Variants in MCM7 observed in about 807,000 individuals in gnomAD.
MCM7 encodes DNA replication licensing factor MCM7.
A neutral mutation model predicts 83.5 loss-of-function variants in MCM7; 95 were observed. That is an observed-to-expected ratio of 1.14 (90% CI 0.96 to 1.35). The LOEUF (loss-of-function observed/expected upper bound fraction) is 1.35. Among genes scored for constraint, MCM7 ranks in the 40% most tolerant of loss-of-function variants. The pLI, the probability that MCM7 is intolerant of heterozygous loss-of-function variation, is 0.00. For synonymous variants in MCM7, 461 were observed against 352.7 expected (o/e 1.31, Z -3.44); for missense variants, 1,087 against 957.4 (o/e 1.14, Z -1.79).
chr7:100,099,071 C>T lies in MCM7; in HGVS notation c.534G>A (p.Val178=), dbSNP rs777006657. 4 of 1,614,062 alleles carry T rather than the reference C, an allele frequency of 2.5e-6. No homozygotes were observed. The Admixed American group carries it at 5.0e-5, about 20-fold the overall frequency. ...ACTGGTCACAAGTGTAAGTGGCCAC[C>T]ACCATCTTGGGTTTGACTTCAGAGA... The part of the protein sequence containing the change: ...TRVSEVKPKM[V]VATYTCDQCG... The change falls in exon 5 of 15, where the codon GTG becomes GTA. Residue 178 remains valine (V), a synonymous_variant. Transcript: ENST00000303887.
chr7:100,092,951 G>A lies in MCM7; in HGVS notation c.2141C>T (p.Thr714Ile), dbSNP rs201314873. Reference protein sequence around the residue: ...LNVWQVNASRTRITFV With the variant: ...LNVWQVNASRIRITFV Reference sequence around the variant, plus strand: ...CTGGAATCAGACAAAAGTGATCCGTGTCCGGGAAGCATTGACCTGCCAGAC... The same window carrying A: ...CTGGAATCAGACAAAAGTGATCCGTATCCGGGAAGCATTGACCTGCCAGAC... The change falls in exon 15 of 15, where the codon ACA (threonine) becomes ATA (isoleucine). Residue 714 changes from threonine to isoleucine, a missense_variant. Coordinates refer to ENST00000303887, the MANE Select transcript of MCM7 (RefSeq NM_005916.5). The A allele has an allele frequency of 5.0e-6, 8 of 1,614,092 alleles. No homozygotes were observed. The highest frequency in any genetic ancestry group is 1.3e-5 in the African/African-American group (1 of 74,936).
chr7:100,100,020 G>T lies in MCM7; in HGVS notation c.105C>A (p.Asn35Lys), dbSNP rs759438516. The T allele has an allele frequency of 6.2e-7, 1 of 1,613,758 alleles. No homozygotes were observed. The highest frequency in any genetic ancestry group is 8.5e-7 in the Non-Finnish European group (1 of 1,179,720). The change falls in exon 2 of 15, where the codon AAC becomes AAA. Residue 35 changes from asparagine to lysine, a missense_variant. Asn to Lys is a moderately conservative substitution (Grantham distance 94). Coordinates refer to ENST00000303887, the MANE Select transcript of MCM7 (RefSeq NM_005916.5). Reference sequence around the variant, plus strand: ...TACCCAATCTTAGACTTACCAACTGGTTCCCATACTTGAACTGCTTCTTCC... The same window carrying T: ...TACCCAATCTTAGACTTACCAACTGTTTCCCATACTTGAACTGCTTCTTCC... ...ELGKKQFKYG[N>K]QLVRLAHREQ...
Position 100,094,333 on chromosome 7 carries a change from A to AT in MCM7, c.1687dup (p.Ile563AsnfsTer17). On this transcript the variant is annotated frameshift_variant, in exon 13 of 15. Transcript: ENST00000303887. LOFTEE classifies it high-confidence loss of function. ...GGGCTGCTTCTCGCGGCACATGGCT[A>AT]TGTAACGCCTGTGGGGGAAGGTTCA... The AT allele has an allele frequency of 6.2e-7, 1 of 1,614,054 alleles. No homozygotes were observed. Among genetic ancestry groups the AT allele is most frequent in the Non-Finnish European group, 8.5e-7 (1 of 1,180,024 alleles).
chr7:100,093,019 G>A lies in MCM7; in HGVS notation c.2073C>T (p.Pro691=), dbSNP rs144308661. 90 of 1,614,252 alleles carry A rather than the reference G, an allele frequency of 5.6e-5. No homozygotes were observed. Among genetic ancestry groups the A allele is most frequent in the South Asian group, 4.8e-4 (44 of 91,088 alleles). The stretch of plus-strand genomic sequence containing the variant: ...CATCCAGAGCCGCCTGGAACTGGGC[G>A]GGTGTGAAGCCACGAGATACACAGC... The part of the protein sequence containing the change: ...EQRCVSRGFT[P]AQFQAALDEY... The change falls in exon 15 of 15, where the codon CCC becomes CCT. Residue 691 remains proline, a synonymous_variant. Coordinates refer to ENST00000303887, the MANE Select transcript of MCM7 (RefSeq NM_005916.5).
At chr7:100,093,693 C>A in intron 13 of MCM7, 1 of 687,492 alleles carries the variant, frequency 1.5e-6, no homozygotes, top group Admixed American at 1.8e-5. Context: ...CTTTTGAACG[C>A]CACTGGGCTC....
intron 10 of MCM7, among the ~76,000 whole-genome samples, chr7:100,097,087 C>T (rs1795677376): frequency 6.6e-6 from 1 of 152,118 alleles, no homozygotes; most frequent in South Asian, 2.1e-4. Flanking sequence ...GGCGAAAGAG[C>T]AAGCCTCTAT....
At chr7:100,098,087 G>A (rs1240038411) in intron 7 of MCM7, 54 bp downstream of exon 7, 1 of 1,598,150 alleles carries the variant, frequency 6.3e-7, no homozygotes, top group Admixed American at 1.7e-5. Context: ...TGGGTAGAAT[G>A]AGTAGGTGAG....
intron 10 of MCM7, 35 bp from the exon 11 acceptor site, chr7:100,096,202 A>C (rs369860977): frequency 3.0e-5 from 46 of 1,521,592 alleles, no homozygotes; most frequent in South Asian, 7.9e-5. Context: ...ATGAGAGAGA[A>C]AGAACAAGAA....
rs1218926484 is a variant in MCM7, at chr7:100,092,855, C to G, written c.*77G>C. ...AGAAAGAGGGGCTCCTCCTTCCCCT[C>G]AAAGGCATCACTGCCCCTTCCCAAG... On this transcript the variant is annotated 3_prime_UTR_variant, in exon 15 of 15. Coordinates refer to ENST00000303887, the MANE Select transcript of MCM7 (RefSeq NM_005916.5). 12 of 1,498,326 alleles carry G rather than the reference C, an allele frequency of 8.0e-6. No homozygotes were observed. The highest frequency in any genetic ancestry group is 1.7e-4 in the Middle Eastern group (1 of 5,818). 92.8% of individuals were successfully genotyped at this position (1,498,326 alleles called of 1,614,324 possible).
At chr7:100,097,411 A>G in intron 9 of MCM7, 27 bp from the exon 10 acceptor site, 1 of 1,611,406 alleles carries the variant, frequency 6.2e-7, no homozygotes, top group Non-Finnish European at 8.5e-7. Context: ...CAGCCCTGGA[A>G]TGACTCTTCT....
rs754114342 is a variant in MCM7, at chr7:100,094,297, T to C, written c.1724A>G (p.Glu575Gly). 2 of 1,614,180 alleles carry C rather than the reference T, an allele frequency of 1.2e-6. No homozygotes were observed. The highest frequency in any genetic ancestry group is 1.7e-6 in the Non-Finnish European group (2 of 1,180,036). ...TGCTGTGATGTAGTCAGCCAGAGAC[T>C]CTGGCACCATGGGCTGCTTCTCGCG... ...MCREKQPMVP[E>G]SLADYITAAY... The change falls in exon 13 of 15, where the codon GAG becomes GGG. Residue 575 changes from glutamate to glycine, a missense_variant. Physicochemically the swap from Glu to Gly is moderately conservative, Grantham distance 98. Coordinates refer to ENST00000303887, the MANE Select transcript of MCM7 (RefSeq NM_005916.5).
In MCM7 at chr7:100,093,037, T is replaced by G. The variant is rs934516038; in HGVS notation, c.2055A>C (p.Val685=). The G allele has an allele frequency of 1.2e-6, 2 of 1,614,204 alleles. No homozygotes were observed. Among genetic ancestry groups the G allele is most frequent in the Non-Finnish European group, 1.7e-6 (2 of 1,180,030 alleles). ...VRFSEAEQRC[V]SRGFTPAQFQ... Reference sequence around the variant, plus strand: ...ACTGGGCGGGTGTGAAGCCACGAGATACACAGCGCTGCTCTGCCTCAGAGA... The same window carrying G: ...ACTGGGCGGGTGTGAAGCCACGAGAGACACAGCGCTGCTCTGCCTCAGAGA... Residue 685 remains valine, a synonymous_variant, in exon 15 of 15, where the codon GTA becomes GTC. Transcript: ENST00000303887.
At chr7:100,100,147 T>G in intron 1 of MCM7, 54 bp from the exon 2 acceptor site, 1 of 1,599,456 alleles carries the variant, frequency 6.3e-7, no homozygotes, top group Non-Finnish European at 8.5e-7. Context: ...AAATCTTAGA[T>G]ACCCATTTTC....
Position 100,099,114 on chromosome 7 carries a change from C to A in MCM7, c.491G>T (p.Arg164Leu), listed in dbSNP as rs755514827. Residue 164 changes from arginine (R) to leucine (L), a missense_variant, in exon 5 of 15, where the codon CGT (arginine) becomes CTT (leucine). Transcript: ENST00000303887. The part of the protein sequence containing the change: ...ADSVGKLVTV[R>L]GIVTRVSEVK... ...TTCAGAGACACGAGTGACGATTCCACGCACAGTTACCAACTTCCCCACAGA... is the reference window on the plus strand; with the variant it reads ...TTCAGAGACACGAGTGACGATTCCAAGCACAGTTACCAACTTCCCCACAGA... 2 of 1,614,152 alleles carry A rather than the reference C, an allele frequency of 1.2e-6. No homozygotes were observed. Among genetic ancestry groups the A allele is most frequent in the South Asian group, 2.2e-5 (2 of 91,084 alleles).
rs1302831195 is a variant in MCM7, at chr7:100,100,152, A to G, written c.32-59T>C. Reference sequence around the variant, plus strand: ...ACTTTAAGACAAATCTTAGATACCCATTTTCGCTTAAAACACGACCTATGA... The same window carrying G: ...ACTTTAAGACAAATCTTAGATACCCGTTTTCGCTTAAAACACGACCTATGA... On this transcript the variant is annotated intron_variant, in intron 1 of 14. Transcript: ENST00000303887. 11 of 1,593,076 alleles carry G rather than the reference A, an allele frequency of 6.9e-6. No individual in the cohort carries two copies. The East Asian group carries it at 9.0e-5, about 13-fold the overall frequency.
rs776408661 is a variant in MCM7 at position 100,093,375 on chromosome 7, C to T, written c.1875G>A (p.Val625=). ...TGGCTTCATTCACATCTTCTTTCTCCACCACATCCACCATTCTCAGACGTG... is the reference window on the plus strand; with the variant it reads ...TGGCTTCATTCACATCTTCTTTCTCTACCACATCCACCATTCTCAGACGTG... ...ALARLRMVDV[V]EKEDVNEAIR... Residue 625 remains valine, a synonymous_variant, in exon 14 of 15, where the codon GTG becomes GTA. Transcript: ENST00000303887. 39 of 1,614,056 alleles carry T rather than the reference C, an allele frequency of 2.4e-5. No individual in the cohort carries two copies. The South Asian group carries it at 4.1e-4, about 17-fold the overall frequency.
chr7:100,099,739 A>C lies in MCM7; in HGVS notation c.126T>G (p.His42Gln), dbSNP rs1795847638. Residue 42 changes from histidine to glutamine, a missense_variant, in exon 3 of 15, where the codon CAT becomes CAG. His to Gln is a conservative substitution (Grantham distance 24). Coordinates refer to ENST00000303887, the MANE Select transcript of MCM7 (RefSeq NM_005916.5). ...KYGNQLVRLA[H>Q]REQVALYVDL... is the part of the protein sequence containing the mutation. Reference sequence around the variant, plus strand: ...CCACATACAGAGCCACCTGTTCCCGATGAGCCAGCCGAACCTCAAGTGGGG... The same window carrying C: ...CCACATACAGAGCCACCTGTTCCCGCTGAGCCAGCCGAACCTCAAGTGGGG... 6.2e-7 allele frequency: 1 copy of C among 1,613,878 alleles called. No individual in the cohort carries two copies. Among genetic ancestry groups the C allele is most frequent in the African/African-American group, 1.3e-5 (1 of 74,924 alleles).
Position 100,101,379 on chromosome 7 carries a change from T to G in MCM7, c.-85A>C. On this transcript the variant is annotated 5_prime_UTR_variant, in exon 1 of 15. Coordinates refer to ENST00000303887, the MANE Select transcript of MCM7 (RefSeq NM_005916.5). ...CTGAGAATCTCCGCGCGGTGGACTG[T>G]GGCCGGCCAACCGAAATTGGCGCGA... is the stretch of plus-strand genomic sequence containing the variant. 1.9e-6 allele frequency: 3 copies of G among 1,581,554 alleles called. No individual in the cohort carries two copies. The highest frequency in any genetic ancestry group is 1.1e-5 in the South Asian group (1 of 90,410).
rs533803556 is a variant in MCM7 at position 100,097,997 on chromosome 7, C to A, written c.871-49G>T. ...ACAGATGTAATCCCTTCAACTTGCC[C>A]ATCACTGGATTCCCTAACAATTTCT... On this transcript the variant is annotated intron_variant, in intron 7 of 14. Coordinates refer to ENST00000303887, the MANE Select transcript of MCM7 (RefSeq NM_005916.5). 1.9e-6 allele frequency: 3 copies of A among 1,591,990 alleles called. No homozygotes were observed. In the Admixed American group the frequency reaches 5.0e-5, roughly 27 times the overall value.
Sources: gnomAD v4.1 joint callset for allele counts (sites outside exome capture counted in the v4.1 genomes callset) on GRCh38, gnomAD v4.1.1 for gene constraint, MANE v1.5 for transcripts, NCBI Gene and HGNC (gene_info 2026-07-23, HGNC 2026-07-21) for gene names.